Variants in ANKRD54 observed in about 807,000 individuals in gnomAD.
ANKRD54 encodes the protein ankyrin repeat domain-containing protein 54.
In ANKRD54, 26 loss-of-function variants were observed where a neutral mutation model predicts 36.2. The observed-to-expected ratio is 0.72, with a 90% CI of 0.53 to 1.00. The LOEUF (loss-of-function observed/expected upper bound fraction) is 1.00. Among genes scored for constraint, ANKRD54 ranks in the 50% least tolerant of loss-of-function variants. The pLI is 0.00. For synonymous variants in ANKRD54, 209 were observed against 188.4 expected (o/e 1.11, Z -0.89); for missense variants, 384 against 424.3 (o/e 0.91, Z 0.83).
intron 6 of ANKRD54, 96 bp downstream of exon 6, chr22:37,832,862 G>A (rs1489734175): frequency 3.0e-5 from 48 of 1,604,594 alleles, no homozygotes; most frequent in Non-Finnish European, 3.8e-5. Flanking sequence ...AACAACCCAG[G>A]AGCCCTGGGA....
At chr22:37,833,653 G>T in intron 4 of ANKRD54, 31 bp downstream of exon 4, 1 of 1,611,208 alleles carries the variant, frequency 6.2e-7, no homozygotes, top group South Asian at 1.1e-5. Flanking sequence ...TGCTGCAAAT[G>T]AGTTGTCTTA....
At chr22:37,848,671 C>G (rs1168539528), upstream of ANKRD54, 1 of 132,426 alleles carries the variant, frequency 7.6e-6, no homozygotes, top group Non-Finnish European at 1.7e-5. Flanking sequence ...GTAGGGATTA[C>G]AGGCGTGAGC....
intron 7 of ANKRD54, 21 bp downstream of exon 7, chr22:37,832,616 G>C (rs1465163375): frequency 1.2e-6 from 2 of 1,611,922 alleles, no homozygotes. Flanking sequence ...CCCTGGGTCT[G>C]GGCCTGTGGC....
intron 7 of ANKRD54, among the ~76,000 whole-genome samples, chr22:37,832,289 T>C (rs1236914393): frequency 1.3e-5 from 2 of 151,188 alleles, no homozygotes; most frequent in East Asian, 1.9e-4. Context: ...CCCACAATCA[T>C]AGGCTCTTTC....
intron 3 of ANKRD54, among the ~76,000 whole-genome samples, chr22:37,837,073 C>T (rs1431296091): frequency 6.7e-6 from 1 of 149,866 alleles, no homozygotes. Context: ...AGGTGCTCAA[C>T]GTTACTGGCC....
intron 3 of ANKRD54, among the ~76,000 whole-genome samples, chr22:37,837,150 C>T (rs1340316377): frequency 6.6e-6 from 1 of 152,032 alleles, no homozygotes; most frequent in East Asian, 1.9e-4. Context: ...GAGACAACAG[C>T]AAGCACTGGC....
chr22:37,834,011 A>C, intron 3 of ANKRD54: 1 of 433,462 alleles, frequency 2.3e-6, no homozygotes, highest in Non-Finnish European at 4.3e-6. Flanking sequence ...TTGAAGGGTT[A>C]AGTAAAGTTC....
At chr22:37,833,830 A>T in intron 3 of ANKRD54, 75 bp from the exon 4 acceptor site, 1 of 1,412,470 alleles carries the variant, frequency 7.1e-7, no homozygotes, top group South Asian at 1.2e-5. Context: ...ACCTAGCTAG[A>T]GAGGCTGGCT....
At chr22:37,838,393 GAACAAC>G in intron 3 of ANKRD54, 101 bp downstream of exon 3, 1 of 1,115,092 alleles carries the variant, frequency 9.0e-7, no homozygotes, top group Non-Finnish European at 1.3e-6. Context: ...CTTATATCCA[GAACAAC>G]TGGGCATCCC....
intron 3 of ANKRD54, among the ~76,000 whole-genome samples, chr22:37,834,941 C>G (rs555127366): frequency 1.2e-4 from 18 of 152,058 alleles, no homozygotes; most frequent in African/African-American, 3.9e-4. Flanking sequence ...CCCCTGTAGT[C>G]TCAGCTACTT....
At chr22:37,836,747 G>A (rs1313532317) in intron 3 of ANKRD54, among the ~76,000 whole-genome samples, 2 of 151,540 alleles carry the variant, frequency 1.3e-5, no homozygotes, top group Non-Finnish European at 2.9e-5. Context: ...AAAAAAAATG[G>A]CCCGGGCATG....
rs1195559666 is a variant in ANKRD54, at chr22:37,844,122, G to A, written c.117C>T (p.Phe39=). Reference sequence around the variant, plus strand: ...CGCCCAGCGCAGACCCGAAGTCAGCGAAGGAGAAGAGGCCCTCAGCGTCAG... The same window carrying A: ...CGCCCAGCGCAGACCCGAAGTCAGCAAAGGAGAAGAGGCCCTCAGCGTCAG... ...PLTDAEGLFS[F]ADFGSALGGG... is the part of the protein sequence containing the mutation. Residue 39 remains phenylalanine (F), a synonymous_variant, in exon 1 of 8, where the codon TTC becomes TTT. Coordinates refer to ENST00000215941, the MANE Select transcript of ANKRD54 (RefSeq NM_138797.4). The A allele has an allele frequency of 3.4e-5, 50 of 1,490,818 alleles. No individual in the cohort carries two copies. Among genetic ancestry groups the A allele is most frequent in the Non-Finnish European group, 4.3e-5 (49 of 1,127,686 alleles). The allele number at this position is 1,490,818 out of a possible 1,614,324, so 92.3% of individuals were successfully genotyped here.
At chr22:37,847,615 A>T (rs1223005578), upstream of ANKRD54, 1 of 477,534 alleles carries the variant, frequency 2.1e-6, no homozygotes, top group Non-Finnish European at 4.1e-6. Context: ...TCTCACTGTT[A>T]CAATTTTTGC....
At position 37,844,032 on chromosome 22, in the gene ANKRD54, G is replaced by A. The variant is rs1278588406; in HGVS notation, c.207C>T (p.His69=). The change falls in exon 1 of 8, where the codon CAC becomes CAT. Residue 69 remains histidine (H), a synonymous_variant. Coordinates refer to ENST00000215941, the MANE Select transcript of ANKRD54 (RefSeq NM_138797.4). ...GGAQSPLRYL[H]VLWQQDAEPR... is the part of the protein sequence containing the mutation. ...GCTCCGCATCCTGCTGCCACAGGACGTGCAAGTAGCGCAGCGGCGACTGGG... is the reference window on the plus strand; with the variant it reads ...GCTCCGCATCCTGCTGCCACAGGACATGCAAGTAGCGCAGCGGCGACTGGG... 4.9e-6 allele frequency: 7 copies of A among 1,439,060 alleles called. No homozygotes were observed. Among genetic ancestry groups the A allele is most frequent in the Admixed American group, 5.7e-5 (2 of 34,916 alleles). The allele number at this position is 1,439,060 out of a possible 1,614,324, so 89.1% of individuals were successfully genotyped here.
At position 37,832,686 on chromosome 22, in the gene ANKRD54, C is replaced by T. The variant is rs140820596; in HGVS notation, c.779G>A (p.Arg260His). ...CAGGCGGGTGCAGAGGTCATCCAGGCGTTCTCGCTGCTCATGTTGCCCTAG... is the reference window on the plus strand; with the variant it reads ...CAGGCGGGTGCAGAGGTCATCCAGGTGTTCTCGCTGCTCATGTTGCCCTAG... Reference protein sequence around the residue: ...ERLGQHEQRERLDDLCTRLQM... With the variant: ...ERLGQHEQREHLDDLCTRLQM... The change falls in exon 7 of 8, where the codon CGC becomes CAC. Residue 260 changes from arginine (R) to histidine (H), a missense_variant. By Grantham distance (29) the Arg-to-His change is conservative. Transcript: ENST00000215941. The T allele has an allele frequency of 9.9e-5, 159 of 1,614,116 alleles. No individual in the cohort carries two copies. Among genetic ancestry groups the T allele is most frequent in the South Asian group, 3.4e-4 (31 of 91,070 alleles).
At chr22:37,834,372 C>A (rs1387299336) in intron 3 of ANKRD54, 1 of 152,174 alleles carries the variant, frequency 6.6e-6, no homozygotes, top group African/African-American at 2.4e-5. Flanking sequence ...GCAAAGATTT[C>A]TTAAATAGGT....
rs757462128 is a variant in ANKRD54, at chr22:37,832,975, G to A, written c.703C>T (p.Arg235Cys). The A allele has an allele frequency of 4.3e-6, 7 of 1,613,692 alleles. No individual in the cohort carries two copies. Among genetic ancestry groups the A allele is most frequent in the Admixed American group, 3.3e-5 (2 of 59,994 alleles). The part of the protein sequence containing the change: ...EGHAQCLEAV[R>C]LEVKQIIHML... ...GTACTCACCTGCTTCACCTCCAGAC[G>A]CACAGCCTCTAGGCACTGGGCATGG... The change falls in exon 6 of 8, where the codon CGT (arginine) becomes TGT (cysteine). Residue 235 changes from arginine (R) to cysteine (C), a missense_variant. By Grantham distance (180) the Arg-to-Cys change is radical. Coordinates refer to ENST00000215941, the MANE Select transcript of ANKRD54 (RefSeq NM_138797.4).
chr22:37,831,895 C>A lies in ANKRD54; in HGVS notation c.*48G>T. 1 of 1,590,430 alleles carries A rather than the reference C, an allele frequency of 6.3e-7. No individual in the cohort carries two copies. On this transcript the variant is annotated 3_prime_UTR_variant, in exon 8 of 8. Transcript: ENST00000215941. ...GGGCTTTTTCTTGGTACTGAGACAG[C>A]AGTGGGGCAGGGTGGGGCAGTGGCA...
At chr22:37,833,780 A>T (rs748714586) in intron 3 of ANKRD54, 25 bp from the exon 4 acceptor site, 47 of 1,611,226 alleles carry the variant, frequency 2.9e-5, no homozygotes, top group Non-Finnish European at 3.9e-5. Context: ...ACCCAAGAGG[A>T]GTTGTCGGAG....
Sources: allele counts gnomAD v4.1 joint callset (sites outside exome capture counted in the v4.1 genomes callset), GRCh38; gene constraint gnomAD v4.1.1; transcripts MANE v1.5; gene names NCBI Gene and HGNC (gene_info 2026-07-23, HGNC 2026-07-21).